The following RBFOX1 variants were observed in gnomAD, a reference collection of about 807,000 sequenced individuals.
RBFOX1 encodes RNA binding fox-1 homolog 1.
In RBFOX1, 8 loss-of-function variants were observed where a neutral mutation model predicts 57.7. The observed-to-expected ratio is 0.14, with a 90% confidence interval of 0.08 to 0.25. The LOEUF (loss-of-function observed/expected upper bound fraction) is 0.25, where lower values mean the gene tolerates loss of function less well. RBFOX1 is among the 10% of genes least tolerant of loss of function. The probability of loss-of-function intolerance (pLI) is 1.00; values close to 1 mark genes in which losing one functional copy is unlikely to be tolerated. For synonymous variants in RBFOX1, 326 were observed against 222.4 expected (o/e 1.47, Z -4.15); for missense variants, 611 against 548.5 (o/e 1.11, Z -1.14).
chr16:6,469,531 G>A (rs895823338), intron 2 of RBFOX1, among the ~76,000 whole-genome samples: 3 of 152,136 alleles, frequency 2.0e-5, no homozygotes, highest in Admixed American at 6.6e-5. Context: ...AGACAAATAC[G>A]GGGTGAGACG....
intron 4 of RBFOX1, among the ~76,000 whole-genome samples, chr16:7,102,637 A>G (rs1018654704): frequency 1.3e-5 from 2 of 152,204 alleles, no homozygotes; most frequent in Non-Finnish European, 2.9e-5. Flanking sequence ...CTTGAAATGC[A>G]AAATCCATCT....
At chr16:7,578,073 C>T (rs2093471722) in intron 5 of RBFOX1, among the ~76,000 whole-genome samples, 1 of 152,152 alleles carries the variant, frequency 6.6e-6, no homozygotes, top group Admixed American at 6.5e-5. Context: ...AAATGAAAAC[C>T]TTTCCTTCGT....
At chr16:6,123,384 A>C (rs546216776) in intron 1 of RBFOX1, among the ~76,000 whole-genome samples, 1 of 152,344 alleles carries the variant, frequency 6.6e-6, no homozygotes, top group African/African-American at 2.4e-5. Context: ...ACATTATGCT[A>C]AGTGAAAGAA....
chr16:6,536,657 T>C (rs10468329), intron 2 of RBFOX1, among the ~76,000 whole-genome samples: 4,743 of 151,948 alleles, frequency 0.031, 218 homozygotes, highest in African/African-American at 0.088. Context: ...GTATGGCTTG[T>C]GAGGGTTCTT....
Position 6,766,443 on chromosome 16 carries a change from T to C in RBFOX1, c.-16+111793T>C, listed in dbSNP as rs74906107. ...CTTTCAAAGGTCACTTGGCCTTTTC[T>C]AGTACAGTCACATGCCCTTCTTCAT... is the stretch of plus-strand genomic sequence containing the variant. On this transcript the variant is annotated intron_variant, in intron 3 of 15. Coordinates refer to ENST00000550418, the MANE Select transcript of RBFOX1 (RefSeq NM_018723.4). Among the ~76,000 whole-genome samples the C allele has an allele frequency of 3.6e-3, 555 of 152,256 alleles. 4 individuals are homozygous for C. Among genetic ancestry groups the C allele is most frequent in the African/African-American group, 0.012 (516 of 41,544 alleles).
At chr16:5,846,455 C>T (rs1480591899) in intron 3 of RBFOX1, among the ~76,000 whole-genome samples, 1 of 152,114 alleles carries the variant, frequency 6.6e-6, no homozygotes, top group Non-Finnish European at 1.5e-5. Context: ...GACAAGTGTT[C>T]ACTGAGTGTG....
At chr16:6,298,296 AG>A (rs2078377644) in intron 1 of RBFOX1, among the ~76,000 whole-genome samples, 1 of 152,196 alleles carries the variant, frequency 6.6e-6, no homozygotes, top group Non-Finnish European at 1.5e-5. Context: ...TCTACTGCAC[AG>A]GGTGCTCCAT....
intron 2 of RBFOX1, among the ~76,000 whole-genome samples, chr16:5,545,037 A>G (rs2045132896): frequency 8.0e-6 from 1 of 125,400 alleles, no homozygotes; most frequent in Admixed American, 9.0e-5. Flanking sequence ...AGTGTAGTGG[A>G]GCATTCTTGG....
intron 1 of RBFOX1, among the ~76,000 whole-genome samples, chr16:5,343,790 C>A (rs960805062): frequency 6.6e-6 from 1 of 152,120 alleles, no homozygotes; most frequent in Non-Finnish European, 1.5e-5. Flanking sequence ...TTGAATAAGG[C>A]AAAAGGGTTA....
chr16:5,381,577 C>G (rs138878262), intron 1 of RBFOX1, among the ~76,000 whole-genome samples: 3 of 152,206 alleles, frequency 2.0e-5, no homozygotes, highest in African/African-American at 7.2e-5. Flanking sequence ...GCTGCTGGGG[C>G]TCGAGCCTGC....
At chr16:7,205,467 C>T (rs987603139) in intron 4 of RBFOX1, among the ~76,000 whole-genome samples, 6 of 148,624 alleles carry the variant, frequency 4.0e-5, no homozygotes, top group Non-Finnish European at 7.4e-5. Context: ...GAAGTGAGAT[C>T]ATGCCATTGC....
intron 1 of RBFOX1, among the ~76,000 whole-genome samples, chr16:5,460,089 A>G (rs953954053): frequency 4.6e-5 from 7 of 151,892 alleles, no homozygotes; most frequent in African/African-American, 1.7e-4. Context: ...AGGAGCTAGG[A>G]GTGTAAAGTC....
intron 4 of RBFOX1, among the ~76,000 whole-genome samples, chr16:7,261,552 C>G (rs897358719): frequency 9.2e-5 from 14 of 152,144 alleles, no homozygotes; most frequent in African/African-American, 3.4e-4. Context: ...TTGCTCTGAG[C>G]TCTTGCTTCT....
chr16:6,404,927 G>A lies in RBFOX1; in HGVS notation c.-64+87870G>A, dbSNP rs571171313. On this transcript the variant is annotated intron_variant, in intron 2 of 15. Transcript: ENST00000550418. ...GCTATCCTAGCTTGAATGGAATTCA[G>A]CATTGGTAGACGGAACCACAAATGC... Among the ~76,000 whole-genome samples, 36 of 152,276 alleles carry A rather than the reference G, an allele frequency of 2.4e-4. 2 individuals are homozygous for A. In the South Asian group the frequency reaches 7.5e-3, roughly 32 times the overall value.
chr16:7,170,058 A>G (rs528501424), intron 4 of RBFOX1, among the ~76,000 whole-genome samples: 1 of 152,198 alleles, frequency 6.6e-6, no homozygotes, highest in East Asian at 1.9e-4. Context: ...TAGGTGATAG[A>G]GGAAGACCCT....
chr16:7,678,241 A>G (rs1229007314), intron 14 of RBFOX1, among the ~76,000 whole-genome samples: 1 of 152,200 alleles, frequency 6.6e-6, no homozygotes, highest in Admixed American at 6.5e-5. Flanking sequence ...TTTACCGAGT[A>G]ATCAGTTGCC....
At chr16:5,258,824 G>A (rs1023379455) in intron 1 of RBFOX1, among the ~76,000 whole-genome samples, 4 of 152,096 alleles carry the variant, frequency 2.6e-5, no homozygotes, top group Admixed American at 2.6e-4. Flanking sequence ...GCTGAGGCAG[G>A]AGAATCTCTT....
intron 3 of RBFOX1, among the ~76,000 whole-genome samples, chr16:6,970,689 T>G (rs917378754): frequency 3.9e-5 from 6 of 152,236 alleles, no homozygotes; most frequent in African/African-American, 1.4e-4. Context: ...CTAAAAATCC[T>G]AGCTCTTAAT....
chr16:7,358,444 G>A (rs566353230), intron 4 of RBFOX1, among the ~76,000 whole-genome samples: 9 of 151,556 alleles, frequency 5.9e-5, no homozygotes, highest in Admixed American at 2.0e-4. Context: ...TTTTTGAGGT[G>A]GAGTTTTGTT....
Sources: allele counts gnomAD v4.1 joint callset (sites outside exome capture counted in the v4.1 genomes callset), GRCh38; gene constraint gnomAD v4.1.1; transcripts MANE v1.5; gene names NCBI Gene and HGNC (gene_info 2026-07-23, HGNC 2026-07-21).